LARGE1: variants seen among roughly 807,000 people sequenced by gnomAD.
LARGE1 encodes the protein LARGE xylosyl- and glucuronyltransferase 1, also known as xylosyl- and glucuronyltransferase LARGE1.
A neutral mutation model predicts 87.6 loss-of-function variants in LARGE1; 43 were observed. That is an observed-to-expected ratio of 0.49 (90% CI 0.38 to 0.63). The LOEUF is 0.63. Ranked by LOEUF, LARGE1 falls within the 30% of genes least tolerant of loss-of-function variation. The probability of loss-of-function intolerance (pLI) is 0.00; values close to 1 mark genes in which losing one functional copy is unlikely to be tolerated. For synonymous variants in LARGE1, 434 were observed against 394.6 expected (o/e 1.10, Z -1.18); for missense variants, 802 against 1,000.2 (o/e 0.80, Z 2.67).
intron 2 of LARGE1, among the ~76,000 whole-genome samples, chr22:33,700,299 C>T (rs904909154): frequency 6.6e-6 from 1 of 152,120 alleles, no homozygotes; most frequent in Non-Finnish European, 1.5e-5. Context: ...GTTTGAGAAT[C>T]GATGCTCTAG....
chr22:33,112,945 C>T, the LARGE1 span, among the ~76,000 whole-genome samples: 22 of 152,188 alleles, frequency 1.4e-4, no homozygotes, highest in African/African-American at 4.6e-4. Flanking sequence ...TAAAATTGGT[C>T]AGAGGAAATA....
At chr22:33,294,438 A>G (rs1039112041) in intron 12 of LARGE1, among the ~76,000 whole-genome samples, 3 of 152,200 alleles carry the variant, frequency 2.0e-5, no homozygotes, top group African/African-American at 4.8e-5. Context: ...AGGGACTCCT[A>G]TGAAAGTTAT....
rs114073186 is a variant in LARGE1, at chr22:33,709,411, C to T, written c.106+51960G>A. On this transcript the variant is annotated intron_variant, in intron 2 of 14. Transcript: ENST00000397394. Reference sequence around the variant, plus strand: ...AGGAACTTACCAGAGGGTCATGGATCTAAAAAGAGTGGCACTGGGACTCAT... The same window carrying T: ...AGGAACTTACCAGAGGGTCATGGATTTAAAAAGAGTGGCACTGGGACTCAT... Among the ~76,000 whole-genome samples the T allele has an allele frequency of 2.6e-3, 403 of 152,226 alleles. 2 individuals carry two copies. The highest frequency in any genetic ancestry group is 9.2e-3 in the African/African-American group (382 of 41,518).
At chr22:33,868,438 C>T (rs2064173456) in intron 1 of LARGE1, among the ~76,000 whole-genome samples, 1 of 152,124 alleles carries the variant, frequency 6.6e-6, no homozygotes, top group Non-Finnish European at 1.5e-5. Flanking sequence ...TACAAGGATT[C>T]CTGCTAGGAG....
intron 6 of LARGE1, among the ~76,000 whole-genome samples, chr22:33,445,479 G>A (rs556502350): frequency 6.6e-6 from 1 of 152,286 alleles, no homozygotes; most frequent in East Asian, 1.9e-4. Context: ...AAGAAGGCAG[G>A]AGGAAGAGCG....
chr22:33,726,298 G>C (rs1416028324), intron 2 of LARGE1: 1 of 152,212 alleles, frequency 6.6e-6, no homozygotes, highest in Non-Finnish European at 1.5e-5. Context: ...TGGATGAAAA[G>C]TAGTCCTAAG....
intron 1 of LARGE1, among the ~76,000 whole-genome samples, chr22:33,783,812 GGGCTCTAACTTCCCTGGT>G (rs2085509961): frequency 6.6e-6 from 1 of 152,062 alleles, no homozygotes; most frequent in Non-Finnish European, 1.5e-5. Flanking sequence ...GCTGCAGAAC[GGGCTCTAACTTCCCTGGT>G]GGTTATTGAC....
In LARGE1 at chr22:33,581,761, G is replaced by C. The variant is rs1372524941; in HGVS notation, c.616-16742C>G. Among the ~76,000 whole-genome samples, 6 of 148,856 alleles carry C rather than the reference G, an allele frequency of 4.0e-5. No individual in the cohort carries two copies. In the East Asian group the frequency reaches 1.2e-3, roughly 30 times the overall value. On this transcript the variant is annotated intron_variant, in intron 5 of 14. Coordinates refer to ENST00000397394, the MANE Select transcript of LARGE1 (RefSeq NM_133642.5). ...CAGGAGGCAGAGGTTGCAGTGAGCCGAGATTGTGCCATTGCACTCCAGTCT... is the reference window on the plus strand; with the variant it reads ...CAGGAGGCAGAGGTTGCAGTGAGCCCAGATTGTGCCATTGCACTCCAGTCT...
Position 33,409,690 on chromosome 22 carries a change from T to C in LARGE1, c.892+22471A>G, listed in dbSNP as rs148175358. Among the ~76,000 whole-genome samples the C allele has an allele frequency of 1.8e-4, 28 of 151,972 alleles. No individual in the cohort carries two copies. The East Asian group carries it at 4.9e-3, about 26-fold the overall frequency. Reference sequence around the variant, plus strand: ...TCCTGGCTAACACAATGAAACCCCATCTCTACTAAAAATACAAAAAATTAG... The same window carrying C: ...TCCTGGCTAACACAATGAAACCCCACCTCTACTAAAAATACAAAAAATTAG... On this transcript the variant is annotated intron_variant, in intron 7 of 14. Coordinates refer to ENST00000397394, the MANE Select transcript of LARGE1 (RefSeq NM_133642.5).
intron 6 of LARGE1, among the ~76,000 whole-genome samples, chr22:33,500,181 CT>C (rs986965527): frequency 2.6e-4 from 39 of 152,182 alleles, no homozygotes; most frequent in African/African-American, 9.2e-4. Context: ...TTTCTTTTTT[CT>C]TTTACACATA....
At chr22:33,321,959 C>T (rs1463170429) in intron 10 of LARGE1, among the ~76,000 whole-genome samples, 2 of 152,164 alleles carry the variant, frequency 1.3e-5, no homozygotes, top group African/African-American at 4.8e-5. Context: ...GCTGGGATTA[C>T]AGGTGCGCAC....
chr22:33,596,528 C>T (rs775564410), intron 5 of LARGE1, among the ~76,000 whole-genome samples: 2 of 152,164 alleles, frequency 1.3e-5, no homozygotes, highest in Non-Finnish European at 2.9e-5. Context: ...CAGACCTGCG[C>T]ATAATATTTA....
chr22:33,409,690 T>A (rs148175358), intron 7 of LARGE1, among the ~76,000 whole-genome samples: 1 of 151,972 alleles, frequency 6.6e-6, no homozygotes, highest in African/African-American at 2.4e-5. Context: ...TGAAACCCCA[T>A]CTCTACTAAA....
chr22:33,188,591 C>A (rs1602065276), intron 11 of LARGE1, among the ~76,000 whole-genome samples: 1 of 152,174 alleles, frequency 6.6e-6, no homozygotes, highest in East Asian at 1.9e-4. Flanking sequence ...CTGCAGGGCA[C>A]CTTCAATGGC....
At chr22:33,290,244 G>T (rs935962789) in intron 12 of LARGE1, among the ~76,000 whole-genome samples, 1 of 152,040 alleles carries the variant, frequency 6.6e-6, no homozygotes, top group Non-Finnish European at 1.5e-5. Context: ...AACAGCCCAG[G>T]TTCCTGGCAT....
chr22:33,097,576 T>A, the LARGE1 span, among the ~76,000 whole-genome samples: 1 of 152,216 alleles, frequency 6.6e-6, no homozygotes, highest in Non-Finnish European at 1.5e-5. Flanking sequence ...GAGTGCTGTA[T>A]CTTAATAGCC....
chr22:33,866,428 C>T (rs8138735), intron 1 of LARGE1, among the ~76,000 whole-genome samples: 32,064 of 152,114 alleles, frequency 0.21, 3,529 homozygotes, highest in Middle Eastern at 0.27. Context: ...CCATGTCTAG[C>T]GGTGACAACA....
At chr22:33,207,818 T>C (rs1274364999) in intron 11 of LARGE1, among the ~76,000 whole-genome samples, 2 of 152,238 alleles carry the variant, frequency 1.3e-5, no homozygotes, top group Non-Finnish European at 1.5e-5. Context: ...CTGCAAGTGG[T>C]CCTTGCAGAA....
chr22:33,260,499 A>G (rs906442482), intron 11 of LARGE1, among the ~76,000 whole-genome samples: 1 of 152,108 alleles, frequency 6.6e-6, no homozygotes, highest in East Asian at 1.9e-4. Context: ...TGAGTCTCTT[A>G]TGTCACCTTC....
Sources: gnomAD v4.1 joint callset for allele counts (sites outside exome capture counted in the v4.1 genomes callset) on GRCh38, gnomAD v4.1.1 for gene constraint, MANE v1.5 for transcripts, NCBI Gene and HGNC (gene_info 2026-07-23, HGNC 2026-07-21) for gene names.